Variants in CEMIP observed in about 807,000 individuals in gnomAD.
CEMIP encodes the protein cell migration-inducing and hyaluronan-binding protein.
CEMIP carries 105 observed loss-of-function variants against 156.9 expected under a neutral mutation model. That is an observed-to-expected ratio of 0.67 (90% CI 0.57 to 0.79). CEMIP has a LOEUF of 0.79. CEMIP is among the 30% of genes least tolerant of loss of function. The pLI is 0.00. For missense variants in CEMIP, 1,457 were observed against 1,769.4 expected (o/e 0.82, Z 3.17); for synonymous variants, 676 against 668.4 (o/e 1.01, Z -0.17).
chr15:80,818,897 G>A (rs1896850311), intron 1 of CEMIP, among the ~76,000 whole-genome samples: 1 of 152,208 alleles, frequency 6.6e-6, no homozygotes, highest in South Asian at 2.1e-4. Context: ...AGTAGCTGTT[G>A]AAAGGATTTG....
intron 7 of CEMIP, 26 bp from the exon 8 acceptor site, chr15:80,887,668 T>G: frequency 1.9e-6 from 3 of 1,583,140 alleles, no homozygotes; most frequent in Non-Finnish European, 2.6e-6. Flanking sequence ...GAACTTTACT[T>G]TTTGTTATGT....
At chr15:80,811,445 C>T (rs562105010) in intron 1 of CEMIP, among the ~76,000 whole-genome samples, 3 of 152,366 alleles carry the variant, frequency 2.0e-5, no homozygotes, top group African/African-American at 7.2e-5. Context: ...CTCTTCTGGA[C>T]ATGGTCAAGT....
intron 1 of CEMIP, among the ~76,000 whole-genome samples, chr15:80,840,734 T>A (rs1401161148): frequency 1.3e-5 from 2 of 152,160 alleles, no homozygotes; most frequent in African/African-American, 4.8e-5. Context: ...CACACCAGCC[T>A]GGGGTGCAGG....
chr15:80,948,774 G>C (rs377067871), intron 29 of CEMIP, 23 bp from the exon 30 acceptor site: 1 of 1,613,866 alleles, frequency 6.2e-7, no homozygotes, highest in Non-Finnish European at 8.5e-7. Flanking sequence ...CTTTTGCTCA[G>C]GAGACTCATC....
intron 18 of CEMIP, 140 bp downstream of exon 18, chr15:80,924,846 G>T: frequency 1.3e-6 from 1 of 789,572 alleles, no homozygotes. Context: ...GTTGCTGGGG[G>T]TACAATGGTG....
intron 1 of CEMIP, among the ~76,000 whole-genome samples, chr15:80,780,294 G>T (rs1196273871): frequency 6.6e-6 from 1 of 152,252 alleles, no homozygotes; most frequent in Non-Finnish European, 1.5e-5. Context: ...GTGGTCCCTG[G>T]CAAAGGACGT....
chr15:80,852,938 C>A (rs1228490262), intron 1 of CEMIP, among the ~76,000 whole-genome samples: 2 of 152,124 alleles, frequency 1.3e-5, no homozygotes, highest in Non-Finnish European at 2.9e-5. Flanking sequence ...GGCCCACACC[C>A]ACATGTACCA....
At chr15:80,870,746 C>T (rs947688384) in intron 1 of CEMIP, among the ~76,000 whole-genome samples, 2 of 152,322 alleles carry the variant, frequency 1.3e-5, no homozygotes, top group South Asian at 2.1e-4. Flanking sequence ...TGGGGGCAGC[C>T]GAGCTTCTGG....
intron 1 of CEMIP, among the ~76,000 whole-genome samples, chr15:80,835,096 AG>A (rs1596121387): frequency 6.6e-6 from 1 of 152,218 alleles, no homozygotes; most frequent in East Asian, 1.9e-4. Flanking sequence ...AGAGAGAGAG[AG>A]AGAGAGAAAG....
intron 1 of CEMIP, among the ~76,000 whole-genome samples, chr15:80,860,858 C>T (rs116027642): frequency 1.3e-3 from 202 of 152,274 alleles, no homozygotes; most frequent in African/African-American, 4.7e-3. Flanking sequence ...CACTCCCTCA[C>T]ACCCTTCTCT....
At chr15:80,793,501 A>G (rs1411092292) in intron 1 of CEMIP, among the ~76,000 whole-genome samples, 1 of 152,246 alleles carries the variant, frequency 6.6e-6, no homozygotes, top group Non-Finnish European at 1.5e-5. Flanking sequence ...GTTACCCACA[A>G]GATCAGAATA....
chr15:80,902,823 G>A (rs549550999), intron 12 of CEMIP, among the ~76,000 whole-genome samples: 70 of 152,216 alleles, frequency 4.6e-4, no homozygotes, highest in African/African-American at 1.6e-3. Context: ...CTTGGGGATG[G>A]TGCTAGTGAC....
At chr15:80,844,817 G>A (rs570671074) in intron 1 of CEMIP, among the ~76,000 whole-genome samples, 2 of 152,336 alleles carry the variant, frequency 1.3e-5, no homozygotes, top group East Asian at 3.9e-4. Context: ...AGCAGGAGCA[G>A]GAGAGAAGCC....
chr15:80,791,929 C>G (rs181927069), intron 1 of CEMIP, among the ~76,000 whole-genome samples: 7 of 152,332 alleles, frequency 4.6e-5, no homozygotes, highest in Admixed American at 2.0e-4. Context: ...CAAAGCTTAA[C>G]TGGATGAGAT....
At chr15:80,884,030 T>C in intron 6 of CEMIP, 145 bp from the exon 7 acceptor site, 1 of 834,706 alleles carries the variant, frequency 1.2e-6, no homozygotes, top group Admixed American at 1.9e-5. Flanking sequence ...GTTTGCTCTT[T>C]AAAGAAAAGG....
At chr15:80,855,800 G>C (rs1051490517) in intron 1 of CEMIP, among the ~76,000 whole-genome samples, 1 of 152,182 alleles carries the variant, frequency 6.6e-6, no homozygotes, top group Non-Finnish European at 1.5e-5. Flanking sequence ...TGGGATTACA[G>C]GTGTGAGCCA....
At chr15:80,861,967 C>T (rs1238674117) in intron 1 of CEMIP, among the ~76,000 whole-genome samples, 1 of 152,202 alleles carries the variant, frequency 6.6e-6, no homozygotes, top group Non-Finnish European at 1.5e-5. Flanking sequence ...CTTTTAGCTG[C>T]CGGCTCTGAG....
chr15:80,869,456 C>T (rs997009127), intron 1 of CEMIP, among the ~76,000 whole-genome samples: 3 of 152,180 alleles, frequency 2.0e-5, no homozygotes, highest in Admixed American at 6.5e-5. Flanking sequence ...CTTATATTCT[C>T]ATATGTCATT....
chr15:80,884,250 C>T lies in CEMIP; in HGVS notation c.693C>T (p.Ile231=), dbSNP rs748602893. The T allele has an allele frequency of 1.2e-6, 2 of 1,614,206 alleles. No individual in the cohort carries two copies. Among genetic ancestry groups the T allele is most frequent in the South Asian group, 1.1e-5 (1 of 91,088 alleles). The change falls in exon 7 of 30, where the codon ATC becomes ATT. Residue 231 remains isoleucine, a synonymous_variant. Transcript: ENST00000394685. ...TGAACGCGGTGCCCGATGGCAGGAT[C>T]CTTTCTGTTGCAGTGAATGATGAAG... ...QYLNAVPDGR[I]LSVAVNDEGS...
Sources: gnomAD v4.1 joint callset for allele counts (sites outside exome capture counted in the v4.1 genomes callset) on GRCh38, gnomAD v4.1.1 for gene constraint, MANE v1.5 for transcripts, NCBI Gene and HGNC (gene_info 2026-07-23, HGNC 2026-07-21) for gene names.